The following PPM1L variants were observed in gnomAD, a reference collection of about 807,000 sequenced individuals.
PPM1L encodes the protein protein phosphatase, Mg2+/Mn2+ dependent 1L, also known as protein phosphatase 1L.
Under a neutral mutation model 31.4 loss-of-function variants are expected in PPM1L, and 13 were observed. That is an observed-to-expected ratio of 0.41 (90% CI 0.27 to 0.66). The LOEUF (loss-of-function observed/expected upper bound fraction) is 0.66. Ranked by LOEUF, PPM1L falls within the 30% of genes least tolerant of loss-of-function variation. PPM1L has a pLI of 0.29. For synonymous variants in PPM1L, 184 were observed against 175.4 expected, an observed-to-expected ratio of 1.05 and a Z score of -0.39; for missense variants, 326 against 453.7, an observed-to-expected ratio of 0.72 and a Z score of 2.56.
chr3:160,937,495 C>T (rs1715010636), intron 1 of PPM1L, among the ~76,000 whole-genome samples: 1 of 152,106 alleles, frequency 6.6e-6, no homozygotes, highest in South Asian at 2.1e-4. Context: ...TGGTGGGCGC[C>T]TGTAGTCCCA....
intron 1 of PPM1L, among the ~76,000 whole-genome samples, chr3:160,902,994 C>T (rs1156507542): frequency 1.3e-5 from 2 of 152,136 alleles, no homozygotes; most frequent in African/African-American, 4.8e-5. Context: ...GCCCTGCTAC[C>T]TATAAACTGA....
chr3:160,886,252 G>A (rs1327933910), intron 1 of PPM1L, among the ~76,000 whole-genome samples: 1 of 152,222 alleles, frequency 6.6e-6, no homozygotes, highest in Non-Finnish European at 1.5e-5. Flanking sequence ...AGTCTCTGTG[G>A]ACCAGCAGAC....
chr3:161,007,015 T>A (rs1056837955), intron 2 of PPM1L, among the ~76,000 whole-genome samples: 7 of 152,198 alleles, frequency 4.6e-5, no homozygotes, highest in Admixed American at 2.6e-4. Flanking sequence ...ATTAGGAGAA[T>A]GTGCCACTTG....
intron 1 of PPM1L, among the ~76,000 whole-genome samples, chr3:160,934,389 T>C (rs1714888773): frequency 6.6e-6 from 1 of 152,232 alleles, no homozygotes; most frequent in African/African-American, 2.4e-5. Flanking sequence ...GGTGGTGTGA[T>C]CTGTTGTTTT....
intron 1 of PPM1L, among the ~76,000 whole-genome samples, chr3:160,936,624 T>G: frequency 6.6e-6 from 1 of 152,212 alleles, no homozygotes; most frequent in East Asian, 1.9e-4. Context: ...TTATGCCAGT[T>G]AGTTAATGGC....
intron 1 of PPM1L, among the ~76,000 whole-genome samples, chr3:160,917,802 C>T (rs1303629947): frequency 6.6e-6 from 1 of 152,200 alleles, no homozygotes; most frequent in Non-Finnish European, 1.5e-5. Context: ...ATCTTAAGGG[C>T]ATCCCTGTGT....
At chr3:160,993,690 G>C (rs868494671) in intron 2 of PPM1L, among the ~76,000 whole-genome samples, 1 of 152,098 alleles carries the variant, frequency 6.6e-6, no homozygotes, top group Non-Finnish European at 1.5e-5. Context: ...CTGACATGCC[G>C]CTAGACATGA....
rs1719986961 is a variant in PPM1L, at chr3:161,073,185, A to C, written c.*4028A>C. 6.6e-6 allele frequency: 1 copy of C among 152,244 alleles called. No individual in the cohort carries two copies. Among genetic ancestry groups the C allele is most frequent in the Admixed American group, 6.5e-5 (1 of 15,288 alleles). 9.4% of individuals were successfully genotyped at this position (152,244 alleles called of 1,614,324 possible). On this transcript the variant is annotated 3_prime_UTR_variant, in exon 4 of 4. Coordinates refer to ENST00000498165, the MANE Select transcript of PPM1L (RefSeq NM_139245.4). ...ACATACCATCTTAGAAAGTTAGTGAACATGAGCACATCAAAGGCTCTAATT... is the reference window on the plus strand; with the variant it reads ...ACATACCATCTTAGAAAGTTAGTGACCATGAGCACATCAAAGGCTCTAATT...
At chr3:160,829,364 C>T (rs1713449634) in intron 1 of PPM1L, among the ~76,000 whole-genome samples, 1 of 152,076 alleles carries the variant, frequency 6.6e-6, no homozygotes, top group African/African-American at 2.4e-5. Context: ...CATATACCTA[C>T]TTCATTTCTC....
At chr3:160,910,596 C>G (rs1713938704) in intron 1 of PPM1L, among the ~76,000 whole-genome samples, 1 of 152,174 alleles carries the variant, frequency 6.6e-6, no homozygotes, top group African/African-American at 2.4e-5. Context: ...CAGGCGTGAG[C>G]TATCGCGCCT....
chr3:161,063,693 C>T (rs1414947730), intron 2 of PPM1L, among the ~76,000 whole-genome samples: 1 of 152,142 alleles, frequency 6.6e-6, no homozygotes, highest in African/African-American at 2.4e-5. Flanking sequence ...GATTATAAAC[C>T]ATTCTACTAT....
intron 2 of PPM1L, among the ~76,000 whole-genome samples, chr3:161,000,895 C>T (rs778656): frequency 0.22 from 33,470 of 152,078 alleles, 3,991 homozygotes; most frequent in South Asian, 0.3. Context: ...TTTAATCCTT[C>T]AGTGACCACA....
At chr3:160,824,567 TG>T (rs1204749033) in intron 1 of PPM1L, among the ~76,000 whole-genome samples, 1 of 152,174 alleles carries the variant, frequency 6.6e-6, no homozygotes, top group African/African-American at 2.4e-5. Flanking sequence ...TCTTTTAACG[TG>T]GCTCCTCACC....
At chr3:160,941,630 C>T (rs999026937) in intron 1 of PPM1L, among the ~76,000 whole-genome samples, 1 of 152,102 alleles carries the variant, frequency 6.6e-6, no homozygotes, top group African/African-American at 2.4e-5. Flanking sequence ...CTGAGGTCTC[C>T]TCAGCCATGT....
chr3:160,902,574 A>G (rs112846152), intron 1 of PPM1L, among the ~76,000 whole-genome samples: 210 of 152,306 alleles, frequency 1.4e-3, no homozygotes, highest in Non-Finnish European at 2.3e-3. Context: ...TAACATACAT[A>G]TGAGCTGTAC....
At chr3:161,007,755 C>T (rs1717760407) in intron 2 of PPM1L, among the ~76,000 whole-genome samples, 1 of 151,886 alleles carries the variant, frequency 6.6e-6, no homozygotes, top group South Asian at 2.1e-4. Context: ...GATTGGACAC[C>T]CCTGAATAGA....
chr3:161,011,307 G>A (rs1312339023), intron 2 of PPM1L, among the ~76,000 whole-genome samples: 1 of 152,186 alleles, frequency 6.6e-6, no homozygotes, highest in Non-Finnish European at 1.5e-5. Context: ...TGTCAGGTTT[G>A]TCAAAGATCA....
intron 1 of PPM1L, among the ~76,000 whole-genome samples, chr3:160,857,249 C>G (rs1025584378): frequency 2.0e-5 from 3 of 152,124 alleles, no homozygotes; most frequent in Non-Finnish European, 4.4e-5. Flanking sequence ...GCAAATTATA[C>G]CATCATAACT....
At chr3:160,964,192 G>A (rs554197059) in intron 2 of PPM1L, among the ~76,000 whole-genome samples, 1 of 152,030 alleles carries the variant, frequency 6.6e-6, no homozygotes, top group African/African-American at 2.4e-5. Flanking sequence ...GGGGGTTAGG[G>A]ATGCCAACTC....
Sources: gnomAD v4.1 joint callset for allele counts (sites outside exome capture counted in the v4.1 genomes callset) on GRCh38, gnomAD v4.1.1 for gene constraint, MANE v1.5 for transcripts, NCBI Gene and HGNC (gene_info 2026-07-23, HGNC 2026-07-21) for gene names.